ABCA6: variants seen among roughly 807,000 people sequenced by gnomAD.
ABCA6 encodes the protein ATP binding cassette subfamily A member 6, also known as ATP-binding cassette sub-family A member 6.
Under a neutral mutation model 191.2 loss-of-function variants are expected in ABCA6, and 164 were observed. The observed-to-expected ratio is 0.86, with a 90% confidence interval of 0.76 to 0.98. The LOEUF is 0.98. ABCA6 is among the 50% of genes least tolerant of loss of function. The pLI is 0.00. For missense variants in ABCA6, 1,958 were observed against 1,894.1 expected, an observed-to-expected ratio of 1.03 and a Z score of -0.63; for synonymous variants, 636 against 647.7, an observed-to-expected ratio of 0.98 and a Z score of 0.27.
chr17:69,141,552 A>T (rs888775844), intron 1 of ABCA6, among the ~76,000 whole-genome samples, 193 bp downstream of exon 1: 11 of 152,078 alleles, frequency 7.2e-5, no homozygotes, highest in South Asian at 6.2e-4. Context: ...ACAGAAGCAA[A>T]TTTTTTCCAT....
At chr17:69,085,519 CAAAAAAAAAAA>C in intron 31 of ABCA6, 95 bp downstream of exon 31, 1 of 472,738 alleles carries the variant, frequency 2.1e-6, no homozygotes, top group South Asian at 3.9e-5. Context: ...TATCCAAAGG[CAAAAAAAAAAA>C]AAAAAGAAAA....
chr17:69,137,272 T>A (rs769823278), intron 3 of ABCA6, 24 bp downstream of exon 3: 3 of 1,600,050 alleles, frequency 1.9e-6, no homozygotes, highest in Middle Eastern at 2.2e-4. Context: ...TCAGTAACTC[T>A]TTTTTTGCCA....
intron 10 of ABCA6, among the ~76,000 whole-genome samples, chr17:69,118,898 G>C (rs1366203538): frequency 4.0e-5 from 6 of 151,704 alleles, no homozygotes; most frequent in Non-Finnish European, 8.8e-5. Flanking sequence ...CACATCTAAT[G>C]GTTTGCTGCA....
intron 27 of ABCA6, 95 bp downstream of exon 27, chr17:69,089,370 A>G: frequency 1.7e-6 from 2 of 1,178,668 alleles, no homozygotes; most frequent in Non-Finnish European, 2.5e-6. Flanking sequence ...ATATAAAAAC[A>G]CTTTCAAAAT....
intron 20 of ABCA6, 66 bp downstream of exon 20, chr17:69,105,396 A>C (rs1244340351): frequency 2.0e-5 from 27 of 1,361,334 alleles, no homozygotes; most frequent in East Asian, 1.6e-4. Context: ...TCCCCCCCCC[A>C]CCTCCTGTGC....
At chr17:69,122,975 G>C (rs1282442568) in intron 10 of ABCA6, among the ~76,000 whole-genome samples, 2 of 145,980 alleles carry the variant, frequency 1.4e-5, no homozygotes, top group Non-Finnish European at 3.0e-5. Context: ...AGAACACATG[G>C]ACACAGGAAG....
At chr17:69,081,665 GA>G (rs1311755509) in intron 36 of ABCA6, among the ~76,000 whole-genome samples, 8 of 152,168 alleles carry the variant, frequency 5.3e-5, no homozygotes, top group Non-Finnish European at 8.8e-5. Context: ...TGATATTGGC[GA>G]AAGATCTGTA....
In ABCA6 at chr17:69,081,140, G is replaced by T; in HGVS notation, c.4622C>A (p.Ser1541Tyr). ...FPQAAGQERY[S>Y]SLLTYKLPVA... The stretch of plus-strand genomic sequence containing the variant: ...GGGCAGCTTATAGGTTAACAAAGAG[G>T]AATACCTGAAAACAGGAAGATGTCG... The change falls in exon 37 of 39, where the codon TCC (serine) becomes TAC (tyrosine). Residue 1541 changes from serine (S) to tyrosine (Y), a missense_variant. By Grantham distance (144) the Ser-to-Tyr change is moderately radical. Coordinates refer to ENST00000284425, the MANE Select transcript of ABCA6 (RefSeq NM_080284.3). 1 of 1,583,848 alleles carries T rather than the reference G, an allele frequency of 6.3e-7. No homozygotes were observed. Among genetic ancestry groups the T allele is most frequent in the East Asian group, 2.3e-5 (1 of 44,212 alleles).
At position 69,085,735 on chromosome 17, in the gene ABCA6, C is replaced by T. The variant is rs1345661097; in HGVS notation, c.3938-19G>A. The T allele has an allele frequency of 4.6e-6, 7 of 1,520,664 alleles. No individual in the cohort carries two copies. Among genetic ancestry groups the T allele is most frequent in the Non-Finnish European group, 6.4e-6 (7 of 1,097,848 alleles). 94.2% of individuals were successfully genotyped at this position (1,520,664 alleles called of 1,614,324 possible). On this transcript the variant is annotated intron_variant, in intron 30 of 38. Coordinates refer to ENST00000284425, the MANE Select transcript of ABCA6 (RefSeq NM_080284.3). The stretch of plus-strand genomic sequence containing the variant: ...ATTTCACCTGAAAGAAAGAATCAGA[C>T]TATCAATATTGGAAGTGAAATACTG...
At position 69,083,344 on chromosome 17, in the gene ABCA6, A is replaced by T. The variant is rs745885724; in HGVS notation, c.4356-13T>A. On this transcript the variant is annotated splice_polypyrimidine_tract_variant and intron_variant, in intron 34 of 38. Coordinates refer to ENST00000284425, the MANE Select transcript of ABCA6 (RefSeq NM_080284.3). ...CTGGATTGCCTGCCTGCAGTGAGCA[A>T]AAAAATTAACAGTATTTAAAATAAC... 6 of 1,560,814 alleles carry T rather than the reference A, an allele frequency of 3.8e-6. No individual in the cohort carries two copies. Among genetic ancestry groups the T allele is most frequent in the Non-Finnish European group, 4.3e-6 (5 of 1,163,354 alleles).
chr17:69,114,638 A>T, intron 13 of ABCA6, 124 bp downstream of exon 13: 1 of 898,368 alleles, frequency 1.1e-6, no homozygotes, highest in East Asian at 2.6e-5. Flanking sequence ...GATATTTGTT[A>T]TGGGACCTCT....
rs755363323 is a variant in ABCA6 at position 69,086,683 on chromosome 17, T to A, written c.3872A>T (p.Lys1291Ile). The change falls in exon 30 of 39, where the codon AAA (lysine) becomes ATA (isoleucine). Residue 1291 changes from lysine to isoleucine, a missense_variant. Physicochemically the swap from Lys to Ile is moderately radical, Grantham distance 102. Coordinates refer to ENST00000284425, the MANE Select transcript of ABCA6 (RefSeq NM_080284.3). ...CLHKEYAGQKKSCFSKRKKKI... is the reference protein window; with the variant it reads ...CLHKEYAGQKISCFSKRKKKI... ...CTTCTTCCTCTTTGAAAAGCAACTT[T>A]TCTTCTGGCCTGCATATTCTTTGTG... 1 of 1,613,042 alleles carries A rather than the reference T, an allele frequency of 6.2e-7. No homozygotes were observed. The highest frequency in any genetic ancestry group is 8.5e-7 in the Non-Finnish European group (1 of 1,179,514).
In ABCA6 at chr17:69,123,382, A is replaced by C. The variant is rs1336921564; in HGVS notation, c.1293T>G (p.Pro431=). ...LPYGDERHYS[P]LFFLNSSSCF... is the part of the protein sequence containing the mutation. ...AAGATGATGAATTCAAGAAAAATAA[A>C]GGAGAATAATGGCGCTCATCTCCAT... The change falls in exon 10 of 39, where the codon CCT becomes CCG. Residue 431 remains proline (P), a synonymous_variant. Coordinates refer to ENST00000284425, the MANE Select transcript of ABCA6 (RefSeq NM_080284.3). 6.6e-7 allele frequency: 1 copy of C among 1,520,656 alleles called. No individual in the cohort carries two copies. Among genetic ancestry groups the C allele is most frequent in the East Asian group, 2.4e-5 (1 of 42,108 alleles). 94.2% of individuals were successfully genotyped at this position (1,520,656 alleles called of 1,614,324 possible).
chr17:69,091,366 C>T, intron 25 of ABCA6, 104 bp from the exon 26 acceptor site: 1 of 1,270,728 alleles, frequency 7.9e-7, no homozygotes, highest in Non-Finnish European at 1.1e-6. Flanking sequence ...TCATAATGTT[C>T]CCATATGCAG....
chr17:69,120,672 T>C (rs562577222), intron 10 of ABCA6, among the ~76,000 whole-genome samples: 6 of 152,242 alleles, frequency 3.9e-5, no homozygotes, highest in Non-Finnish European at 7.4e-5. Flanking sequence ...AGTGAAACTT[T>C]AATGTTTTGT....
intron 21 of ABCA6, among the ~76,000 whole-genome samples, 165 bp from the exon 22 acceptor site, chr17:69,101,099 C>T (rs887104274): frequency 6.6e-6 from 1 of 152,116 alleles, no homozygotes; most frequent in South Asian, 2.1e-4. Context: ...AAAGGAAATA[C>T]TAAATGGGTT....
In ABCA6 at chr17:69,114,940, AAGAAT is replaced by A. The variant is rs768733662; in HGVS notation, c.1607-8_1607-4del. On this transcript the variant is annotated splice_region_variant and splice_polypyrimidine_tract_variant and intron_variant, in intron 12 of 38. Coordinates refer to ENST00000284425, the MANE Select transcript of ABCA6 (RefSeq NM_080284.3). Reference sequence around the variant, plus strand: ...TTTATTATAGATGGTAACTGATCCTAAGAATAGAAGTTAAAAATAAAATTGGCAAG... The same window carrying A: ...TTTATTATAGATGGTAACTGATCCTAAGAAGTTAAAAATAAAATTGGCAAG... 248 of 1,585,522 alleles carry A rather than the reference AAGAAT, an allele frequency of 1.6e-4. No individual in the cohort carries two copies. The highest frequency in any genetic ancestry group is 2.1e-4 in the Non-Finnish European group (243 of 1,166,072).
At chr17:69,098,806 G>A (rs781466196) in intron 22 of ABCA6, among the ~76,000 whole-genome samples, 2 of 152,066 alleles carry the variant, frequency 1.3e-5, no homozygotes, top group African/African-American at 4.8e-5. Flanking sequence ...AGGGGATGGG[G>A]GAGGGGGAAA....
intron 23 of ABCA6, 91 bp from the exon 24 acceptor site, chr17:69,096,892 T>C (rs553892918): frequency 1.2e-5 from 13 of 1,097,448 alleles, no homozygotes; most frequent in African/African-American, 1.2e-4. Context: ...GAAGAATTTT[T>C]AAGATAAATA....
Sources: allele counts gnomAD v4.1 joint callset (sites outside exome capture counted in the v4.1 genomes callset), GRCh38; gene constraint gnomAD v4.1.1; transcripts MANE v1.5; gene names NCBI Gene and HGNC (gene_info 2026-07-23, HGNC 2026-07-21).